KCNK4: variants seen among roughly 807,000 people sequenced by gnomAD.
The protein encoded by KCNK4 is potassium channel subfamily K member 4.
In KCNK4, 22 loss-of-function variants were observed where a neutral mutation model predicts 28.8. The observed-to-expected ratio is 0.76, with a 90% confidence interval of 0.55 to 1.09. KCNK4 has a LOEUF of 1.09. Ranked by LOEUF, KCNK4 falls within the 50% of genes least tolerant of loss-of-function variation. The pLI, the probability that KCNK4 is intolerant of heterozygous loss-of-function variation, is 0.00. For synonymous variants in KCNK4, 263 were observed against 252.9 expected, an observed-to-expected ratio of 1.04 and a Z score of -0.38; for missense variants, 483 against 546.3, an observed-to-expected ratio of 0.88 and a Z score of 1.15.
At chr11:64,293,987 T>C (rs905841895) in intron 2 of KCNK4, among the ~76,000 whole-genome samples, 1 of 152,218 alleles carries the variant, frequency 6.6e-6, no homozygotes, top group African/African-American at 2.4e-5. Context: ...GTTCCCATAC[T>C]TTTCTTGGAG....
Position 64,293,045 on chromosome 11 carries a change from G to A in KCNK4, c.27G>A (p.Leu9=). The A allele has an allele frequency of 6.5e-7, 1 of 1,547,944 alleles. No homozygotes were observed. Residue 9 remains leucine (L), a synonymous_variant, in exon 2 of 7, where the codon CTG becomes CTA. Coordinates refer to ENST00000422670, the MANE Select transcript of KCNK4 (RefSeq NM_033310.3). MRSTTLLA[L]LALVLLYLVS... ...TGCGCAGCACCACGCTCCTGGCCCT[G>A]CTGGCGCTGGTCTTGCTTTACTTGG...
chr11:64,297,984 C>T, intron 5 of KCNK4, 126 bp from the exon 6 acceptor site: 1 of 1,160,400 alleles, frequency 8.6e-7, no homozygotes, highest in Non-Finnish European at 1.2e-6. Flanking sequence ...CTCACACACT[C>T]AAGCACATAC....
At chr11:64,293,290 G>T in intron 2 of KCNK4, 83 bp downstream of exon 2, 1 of 1,349,898 alleles carries the variant, frequency 7.4e-7, no homozygotes. Context: ...CTGTGCCAGT[G>T]CTGCTTTCAG....
At chr11:64,292,462 C>T (rs2034655386) in intron 1 of KCNK4, among the ~76,000 whole-genome samples, 1 of 152,142 alleles carries the variant, frequency 6.6e-6, no homozygotes, top group African/African-American at 2.4e-5. Flanking sequence ...GACGGAGAAG[C>T]CGCGGAGATG....
chr11:64,295,517 C>T (rs2034742434), intron 2 of KCNK4, among the ~76,000 whole-genome samples: 1 of 152,028 alleles, frequency 6.6e-6, no homozygotes. Context: ...TCCCTTAAGT[C>T]GTGAATTTAT....
At position 64,297,611 on chromosome 11, in the gene KCNK4, A is replaced by T. The variant is rs760157392; in HGVS notation, c.619A>T (p.Ile207Leu). Reference sequence around the variant, plus strand: ...CAAGCTGGAGGCCATCTACTTTGTCATAGTGACGCTTACCACCGTGGGCTT... The same window carrying T: ...CAAGCTGGAGGCCATCTACTTTGTCTTAGTGACGCTTACCACCGTGGGCTT... The part of the protein sequence containing the change: ...WSKLEAIYFV[I>L]VTLTTVGFGD... Residue 207 changes from isoleucine (I) to leucine (L), a missense_variant, in exon 5 of 7, where the codon ATA (isoleucine) becomes TTA (leucine). By Grantham distance (5) the Ile-to-Leu change is conservative (BLOSUM62 2). Transcript: ENST00000422670. 1 of 1,613,902 alleles carries T rather than the reference A, an allele frequency of 6.2e-7. No homozygotes were observed. Among genetic ancestry groups the T allele is most frequent in the Non-Finnish European group, 8.5e-7 (1 of 1,179,830 alleles).
At chr11:64,291,986 C>A (rs1398259082) in intron 1 of KCNK4, 4 of 1,139,684 alleles carry the variant, frequency 3.5e-6, no homozygotes, top group Non-Finnish European at 4.5e-6. Context: ...GCGGGCGCTG[C>A]GCGGTGGCCC....
At chr11:64,295,722 G>A (rs1396629246) in intron 2 of KCNK4, among the ~76,000 whole-genome samples, 1 of 152,066 alleles carries the variant, frequency 6.6e-6, no homozygotes, top group East Asian at 1.9e-4. Flanking sequence ...TTGAAAAAAG[G>A]AATGCTGGTC....
rs1379919229 is a variant in KCNK4, at chr11:64,293,130, G to C, written c.112G>C (p.Glu38Gln). 9.7e-6 allele frequency: 15 copies of C among 1,542,100 alleles called. No homozygotes were observed. Among genetic ancestry groups the C allele is most frequent in the Non-Finnish European group, 1.2e-5 (14 of 1,142,416 alleles). ...GCCCCACGAGCAGCAGGCCCAGAGG[G>C]AGCTGGGGGAGGTCCGAGAGAAGTT... ...EQPHEQQAQR[E>Q]LGEVREKFLR... Residue 38 changes from glutamate (E) to glutamine (Q), a missense_variant, in exon 2 of 7, where the codon GAG becomes CAG. Coordinates refer to ENST00000422670, the MANE Select transcript of KCNK4 (RefSeq NM_033310.3).
intron 4 of KCNK4, 70 bp from the exon 5 acceptor site, chr11:64,297,397 C>A: frequency 6.3e-7 from 1 of 1,578,810 alleles, no homozygotes; most frequent in South Asian, 1.2e-5. Flanking sequence ...CTCCTGGGGG[C>A]GGGAGTGGGG....
rs986989350 is a variant in KCNK4 at position 64,294,167 on chromosome 11, AG to A, written c.189+967del. On this transcript the variant is annotated intron_variant, in intron 2 of 6. Transcript: ENST00000422670. The stretch of plus-strand genomic sequence containing the variant: ...CATGCATGCTTACCATGTGGGGAGA[AG>A]GGGGGGTGCGTCAGGGTTCCCTGAG... 3.3e-5 allele frequency among the ~76,000 whole-genome samples: 5 copies of A among 152,034 alleles called. No individual in the cohort carries two copies. The East Asian group carries it at 9.6e-4, about 29-fold the overall frequency.
intron 6 of KCNK4, among the ~76,000 whole-genome samples, chr11:64,298,603 G>A (rs567504654): frequency 6.6e-6 from 1 of 152,210 alleles, no homozygotes; most frequent in East Asian, 1.9e-4. Flanking sequence ...GATCGCTTGA[G>A]CCAGGGGAGG....
In KCNK4 at chr11:64,298,315, G is replaced by A. The variant is rs1591230554; in HGVS notation, c.801+66G>A. 2.5e-6 allele frequency: 4 copies of A among 1,583,674 alleles called. No individual in the cohort carries two copies. The African/African-American group carries it at 4.0e-5, about 16-fold the overall frequency. On this transcript the variant is annotated intron_variant, in intron 6 of 6. Coordinates refer to ENST00000422670, the MANE Select transcript of KCNK4 (RefSeq NM_033310.3). Reference sequence around the variant, plus strand: ...TGCAAATGTGCTGTTCCCTAGCAGGGGGTTGATCAGGCTGTCTCCTATCCA... The same window carrying A: ...TGCAAATGTGCTGTTCCCTAGCAGGAGGTTGATCAGGCTGTCTCCTATCCA...
Position 64,297,728 on chromosome 11 carries a change from C to A in KCNK4, c.661+75C>A. On this transcript the variant is annotated intron_variant, in intron 5 of 6. Coordinates refer to ENST00000422670, the MANE Select transcript of KCNK4 (RefSeq NM_033310.3). ...TCAGGGGCTCTGCACTCCTGCCTTT[C>A]CCTCCAGATCCCATGTGGTTGCTCT... The A allele has an allele frequency of 2.7e-6, 4 of 1,455,418 alleles. No homozygotes were observed. The African/African-American group carries it at 4.2e-5, about 15-fold the overall frequency. 90.2% of individuals were successfully genotyped at this position (1,455,418 alleles called of 1,614,324 possible).
chr11:64,297,709 G>T (rs1253093839), intron 5 of KCNK4, 56 bp downstream of exon 5: 4 of 1,542,478 alleles, frequency 2.6e-6, no homozygotes, highest in Middle Eastern at 3.5e-4. Flanking sequence ...CTGATCAGGG[G>T]CTCTGCACTC....
chr11:64,294,334 G>A (rs749491350), intron 2 of KCNK4, among the ~76,000 whole-genome samples: 2 of 151,886 alleles, frequency 1.3e-5, no homozygotes, highest in Non-Finnish European at 2.9e-5. Context: ...CCTGGCCAAT[G>A]TGGCAAAACC....
chr11:64,294,178 G>C (rs879417939), intron 2 of KCNK4, among the ~76,000 whole-genome samples: 1 of 152,090 alleles, frequency 6.6e-6, no homozygotes, highest in African/African-American at 2.4e-5. Context: ...GGGGGGGTGC[G>C]TCAGGGTTCC....
intron 6 of KCNK4, among the ~76,000 whole-genome samples, chr11:64,299,039 C>CA: frequency 3.5e-5 from 2 of 57,894 alleles, no homozygotes; most frequent in South Asian, 1.6e-3. Context: ...AGACTTGTCT[C>CA]AAAAAAAGAA....
rs557668178 is a variant in KCNK4, at chr11:64,296,797, C to T, written c.190-81C>T. ...ACAGGGAGGAGCAGGGAAGGAGCCA[C>T]CCTAGAGACTGGAGGGGCCACGAGT... On this transcript the variant is annotated intron_variant, in intron 2 of 6. Coordinates refer to ENST00000422670, the MANE Select transcript of KCNK4 (RefSeq NM_033310.3). 1.4e-4 allele frequency: 206 copies of T among 1,434,120 alleles called. No individual in the cohort carries two copies. The South Asian group carries it at 3.0e-3, about 21-fold the overall frequency. 88.8% of individuals were successfully genotyped at this position (1,434,120 alleles called of 1,614,324 possible). A position where few individuals can be genotyped will look rare whatever the true frequency, so the allele number is the denominator to read the frequency against.
Sources: gnomAD v4.1 joint callset for allele counts (sites outside exome capture counted in the v4.1 genomes callset) on GRCh38, gnomAD v4.1.1 for gene constraint, MANE v1.5 for transcripts, NCBI Gene and HGNC (gene_info 2026-07-23, HGNC 2026-07-21) for gene names.